PAK4: variants seen among roughly 807,000 people sequenced by gnomAD.
The protein encoded by PAK4 is serine/threonine-protein kinase PAK 4.
In PAK4, 49 loss-of-function variants were observed where a neutral mutation model predicts 53.5. That is an observed-to-expected ratio of 0.92 (90% CI 0.73 to 1.16). The LOEUF is 1.16. PAK4 is among the 50% of genes most tolerant of loss of function. The pLI is 0.00. For missense variants in PAK4, 824 were observed against 850.7 expected (o/e 0.97, Z 0.39); for synonymous variants, 376 against 375.6 (o/e 1.00, Z -0.01).
chr19:39,178,587 C>A lies in PAK4; in HGVS notation c.*8C>A. Reference sequence around the variant, plus strand: ...CAGAACCGCACCAGATGAGGCCCAGCGCCCTTCCCCTCAACCAAAGAGCCC... The same window carrying A: ...CAGAACCGCACCAGATGAGGCCCAGAGCCCTTCCCCTCAACCAAAGAGCCC... On this transcript the variant is annotated 3_prime_UTR_variant, in exon 9 of 9. Transcript: ENST00000358301. This position sits in a 1 kb window ranked among gnomAD's most constrained non-coding sequence, Gnocchi z 4.4. 1 of 1,566,866 alleles carries A rather than the reference C, an allele frequency of 6.4e-7. No homozygotes were observed. Among genetic ancestry groups the A allele is most frequent in the Non-Finnish European group, 8.7e-7 (1 of 1,152,030 alleles).
At chr19:39,143,665 T>G (rs1343811727) in intron 1 of PAK4, among the ~76,000 whole-genome samples, 6 of 132,884 alleles carry the variant, frequency 4.5e-5, no homozygotes, top group Admixed American at 2.3e-4. Flanking sequence ...AGAAAATGAC[T>G]GGGCACAGTG....
intron 1 of PAK4, among the ~76,000 whole-genome samples, chr19:39,130,996 T>C (rs564261728): frequency 2.0e-5 from 3 of 151,632 alleles, no homozygotes; most frequent in Non-Finnish European, 4.4e-5. Context: ...CCAGCTGAGG[T>C]CATCAGCGCT....
intron 1 of PAK4, among the ~76,000 whole-genome samples, chr19:39,136,099 C>G (rs1216127827): frequency 8.0e-6 from 1 of 125,758 alleles, no homozygotes; most frequent in African/African-American, 3.0e-5. Context: ...CCTCGTCACC[C>G]CCCTTCCTCA....
chr19:39,147,645 G>A (rs1176739512), intron 1 of PAK4, among the ~76,000 whole-genome samples: 1 of 152,102 alleles, frequency 6.6e-6, no homozygotes, highest in Middle Eastern at 3.2e-3. Context: ...CCAGCATTTG[G>A]TGTTGTCACT....
chr19:39,142,569 C>T (rs977754878), intron 1 of PAK4, among the ~76,000 whole-genome samples: 49 of 152,268 alleles, frequency 3.2e-4, no homozygotes, highest in African/African-American at 8.7e-4. Flanking sequence ...CCCCACCCCC[C>T]GGGGCCTGGG....
At chr19:39,137,222 G>C (rs552067094) in intron 1 of PAK4, among the ~76,000 whole-genome samples, 1 of 152,286 alleles carries the variant, frequency 6.6e-6, no homozygotes, top group South Asian at 2.1e-4. Context: ...TGCGGTGGTG[G>C]ATAAACAGAC....
At chr19:39,148,312 A>G (rs2074036941) in intron 1 of PAK4, among the ~76,000 whole-genome samples, 3 of 151,640 alleles carry the variant, frequency 2.0e-5, no homozygotes, top group African/African-American at 7.3e-5. Context: ...ATTCTCTCCC[A>G]GTTTGTAGCA....
chr19:39,140,353 G>A (rs773855588), intron 1 of PAK4, among the ~76,000 whole-genome samples: 2 of 152,272 alleles, frequency 1.3e-5, no homozygotes, highest in African/African-American at 2.4e-5. Context: ...CTCCTGACAC[G>A]TGGAGTCTGG....
At chr19:39,136,675 G>A (rs998917425) in intron 1 of PAK4, among the ~76,000 whole-genome samples, 7 of 152,216 alleles carry the variant, frequency 4.6e-5, no homozygotes, top group African/African-American at 1.7e-4. Context: ...ATGGGGGTAG[G>A]GGTAGAACCA....
chr19:39,134,199 AC>A (rs2073768213), intron 1 of PAK4, among the ~76,000 whole-genome samples: 4 of 152,236 alleles, frequency 2.6e-5, no homozygotes, highest in African/African-American at 4.8e-5. Flanking sequence ...CTTTTAAAAA[AC>A]CTTTAATAAT....
intron 1 of PAK4, among the ~76,000 whole-genome samples, chr19:39,132,223 G>A (rs1159581245): frequency 2.0e-5 from 3 of 152,172 alleles, no homozygotes; most frequent in Admixed American, 1.3e-4. Context: ...CAGAAAGCAC[G>A]TTTTTCCTCC....
At chr19:39,180,698 C>T, downstream of PAK4, 1 of 152,386 alleles carries the variant, frequency 6.6e-6, no homozygotes. Flanking sequence ...CCCACCTCAG[C>T]CTCCCAAAGT....
chr19:39,179,422 T>TC (rs1555782154), downstream of PAK4: 5 of 148,566 alleles, frequency 3.4e-5, no homozygotes, highest in South Asian at 4.4e-4. Flanking sequence ...GTGCGATGTG[T>TC]GGGGGGCAGG....
chr19:39,146,231 G>C (rs1417924902), intron 1 of PAK4, among the ~76,000 whole-genome samples: 1 of 94,116 alleles, frequency 1.1e-5, no homozygotes, highest in Non-Finnish European at 2.3e-5. Flanking sequence ...GTACTAGGCA[G>C]TGACAAACCA....
intron 1 of PAK4, among the ~76,000 whole-genome samples, chr19:39,140,030 GAGAAGGCC>G (rs902773002): frequency 6.6e-6 from 1 of 152,210 alleles, no homozygotes; most frequent in African/African-American, 2.4e-5. Flanking sequence ...CTGAGGCCCA[GAGAAGGCC>G]TCGAGCTTGG....
chr19:39,133,529 T>C (rs1486142648), intron 1 of PAK4, among the ~76,000 whole-genome samples: 3 of 152,108 alleles, frequency 2.0e-5, no homozygotes, highest in Admixed American at 2.0e-4. Context: ...GCTGGAGGCC[T>C]GGCTGGTAAT....
chr19:39,148,466 CTTTT>C lies in PAK4; in HGVS notation c.-22-21048_-22-21045del, dbSNP rs74176491. On this transcript the variant is annotated intron_variant, in intron 1 of 8. Transcript: ENST00000358301. ...TTAGGTACCAAATAAGTTTCTTCTGCTTTTTTTTTTTTTTTTTTTTTGAGAGAGA... is the reference window on the plus strand; with the variant it reads ...TTAGGTACCAAATAAGTTTCTTCTGCTTTTTTTTTTTTTTTTTGAGAGAGA... Among the ~76,000 whole-genome samples, 75 of 56,798 alleles carry C rather than the reference CTTTT, an allele frequency of 1.3e-3. 3 individuals carry two copies. Among genetic ancestry groups the C allele is most frequent in the African/African-American group, 2.7e-3 (35 of 13,080 alleles). 37.3% of individuals were successfully genotyped at this position (56,798 alleles called of 152,430 possible). A position where few individuals can be genotyped will look rare whatever the true frequency, so the allele number is the denominator to read the frequency against.
At chr19:39,149,266 G>A (rs772681105) in intron 1 of PAK4, among the ~76,000 whole-genome samples, 4 of 152,226 alleles carry the variant, frequency 2.6e-5, no homozygotes, top group Non-Finnish European at 5.9e-5. Flanking sequence ...GTGGATGAAT[G>A]GAGGAACAAA....
chr19:39,150,738 T>C (rs2074080787), intron 1 of PAK4, among the ~76,000 whole-genome samples: 2 of 151,892 alleles, frequency 1.3e-5, no homozygotes, highest in South Asian at 2.1e-4. Context: ...AAAAATAAAT[T>C]AATAAAAATT....
Sources: allele counts gnomAD v4.1 joint callset (sites outside exome capture counted in the v4.1 genomes callset), GRCh38; gene constraint gnomAD v4.1.1; non-coding constraint Gnocchi (gnomAD v3.1); transcripts MANE v1.5; gene names NCBI Gene and HGNC (gene_info 2026-07-23, HGNC 2026-07-21).